Variants in MAPRE2 observed in about 807,000 individuals in gnomAD.
MAPRE2 encodes microtubule-associated protein RP/EB family member 2.
A neutral mutation model predicts 43.2 loss-of-function variants in MAPRE2; 13 were observed. The ratio of observed to expected loss-of-function variants is 0.30; its 90% CI spans 0.20 to 0.48. The LOEUF (loss-of-function observed/expected upper bound fraction) is 0.48, where lower values mean the gene tolerates loss of function less well. Ranked by LOEUF, MAPRE2 falls within the 20% of genes least tolerant of loss-of-function variation. MAPRE2 has a pLI of 0.99. For missense variants in MAPRE2, 161 were observed against 400.2 expected (o/e 0.40, Z 5.10); for synonymous variants, 135 against 148.8 (o/e 0.91, Z 0.68).
chr18:35,105,374 A>G (rs2144188251), intron 4 of MAPRE2, among the ~76,000 whole-genome samples: 1 of 152,196 alleles, frequency 6.6e-6, no homozygotes, highest in South Asian at 2.1e-4. Flanking sequence ...TCCCTTTCTA[A>G]TAAAATATGC....
At chr18:34,993,484 C>G (rs2097024857) in intron 1 of MAPRE2, among the ~76,000 whole-genome samples, 1 of 152,050 alleles carries the variant, frequency 6.6e-6, no homozygotes, top group Non-Finnish European at 1.5e-5. Context: ...AGGGAGTGAA[C>G]CAACTATAAC....
intron 1 of MAPRE2, among the ~76,000 whole-genome samples, chr18:34,999,402 A>G (rs1367772064): frequency 6.6e-6 from 1 of 152,224 alleles, no homozygotes; most frequent in African/African-American, 2.4e-5. Flanking sequence ...TAAAATAGAA[A>G]GGGCAATCTT....
At chr18:35,100,904 T>G (rs968247941) in intron 3 of MAPRE2, among the ~76,000 whole-genome samples, 3 of 152,014 alleles carry the variant, frequency 2.0e-5, no homozygotes, top group African/African-American at 7.2e-5. Context: ...CCAGACATGG[T>G]GGTGCATGCC....
chr18:35,004,653 T>C (rs1356330149), intron 1 of MAPRE2, among the ~76,000 whole-genome samples: 2 of 152,204 alleles, frequency 1.3e-5, no homozygotes, highest in Non-Finnish European at 2.9e-5. Flanking sequence ...CACGGTGGCT[T>C]ACGCCTGTAA....
chr18:35,027,147 A>G lies in MAPRE2; in HGVS notation c.-8+21594A>G, dbSNP rs1255018935. 3.3e-5 allele frequency among the ~76,000 whole-genome samples: 5 copies of G among 152,116 alleles called. No individual in the cohort carries two copies. In the East Asian group the frequency reaches 7.7e-4, roughly 23 times the overall value. On this transcript the variant is annotated intron_variant, in intron 2 of 7. Transcript: ENST00000413393. Reference sequence around the variant, plus strand: ...GCAGGTGTGTGTGGCAGGTTTTCCAAAGTGGGTTACTACAATCTCTCCCAT... The same window carrying G: ...GCAGGTGTGTGTGGCAGGTTTTCCAGAGTGGGTTACTACAATCTCTCCCAT...
intron 1 of MAPRE2, among the ~76,000 whole-genome samples, chr18:35,046,185 G>A (rs1349969890): frequency 6.6e-6 from 1 of 152,230 alleles, no homozygotes; most frequent in African/African-American, 2.4e-5. Context: ...GTTTGGTTTA[G>A]AGAATTAATT....
chr18:35,130,587 T>G lies in MAPRE2; in HGVS notation c.751-1445T>G, dbSNP rs140939308. The stretch of plus-strand genomic sequence containing the variant: ...TTATTAGAAGGAGAGAGGAGGAAAT[T>G]TGCATTCCAAATGTAATTTTTTGAA... On this transcript the variant is annotated intron_variant, in intron 5 of 6. Coordinates refer to ENST00000300249, the MANE Select transcript of MAPRE2 (RefSeq NM_014268.4). 3.6e-3 allele frequency among the ~76,000 whole-genome samples: 545 copies of G among 152,224 alleles called. 3 individuals are homozygous for G. The highest frequency in any genetic ancestry group is 0.012 in the African/African-American group (509 of 41,542).
intron 5 of MAPRE2, 53 bp downstream of exon 5, chr18:35,127,140 T>C (rs762788392): frequency 3.3e-5 from 52 of 1,598,402 alleles, no homozygotes; most frequent in Non-Finnish European, 4.2e-5. Context: ...GTGTAAGAGG[T>C]AGGGGGCCTA....
chr18:34,998,777 T>A (rs928927898), intron 1 of MAPRE2, among the ~76,000 whole-genome samples: 1 of 97,216 alleles, frequency 1.0e-5, no homozygotes, highest in African/African-American at 3.2e-5. Context: ...TTGCAATTTT[T>A]TTTTTTTTTT....
intron 1 of MAPRE2, among the ~76,000 whole-genome samples, chr18:34,979,390 A>G (rs118055314): frequency 1.1e-3 from 162 of 152,328 alleles, no homozygotes; most frequent in Non-Finnish European, 1.9e-3. Flanking sequence ...TACAGCGAGT[A>G]GTTTGTTGAC....
At chr18:35,070,035 T>G (rs1234808621) in intron 1 of MAPRE2, among the ~76,000 whole-genome samples, 160 bp from the exon 2 acceptor site, 1 of 152,220 alleles carries the variant, frequency 6.6e-6, no homozygotes, top group Non-Finnish European at 1.5e-5. Context: ...TTAATAATTT[T>G]AATGCAAATA....
chr18:35,106,326 A>C (rs1569005612), intron 4 of MAPRE2, among the ~76,000 whole-genome samples: 1 of 148,484 alleles, frequency 6.7e-6, no homozygotes, highest in Non-Finnish European at 1.5e-5. Flanking sequence ...CTCTCCCCCA[A>C]AATTTCCTTA....
At chr18:35,041,800 G>GC in intron 1 of MAPRE2, 139 bp downstream of exon 1, 1 of 1,498,314 alleles carries the variant, frequency 6.7e-7, no homozygotes, top group South Asian at 1.3e-5. Flanking sequence ...TGATTATTTG[G>GC]TATCTGTTTC....
intron 1 of MAPRE2, chr18:34,978,268 T>A (rs1462915144): frequency 5.4e-6 from 3 of 557,184 alleles, no homozygotes; most frequent in Non-Finnish European, 9.4e-6. Flanking sequence ...CAGGAAGAGG[T>A]CACTAAAAAT....
At chr18:34,986,436 C>T (rs1309589380) in intron 1 of MAPRE2, among the ~76,000 whole-genome samples, 1 of 152,130 alleles carries the variant, frequency 6.6e-6, no homozygotes, top group South Asian at 2.1e-4. Context: ...AAAGAGAGAC[C>T]TTACAAGAAA....
intron 1 of MAPRE2, among the ~76,000 whole-genome samples, chr18:34,977,641 C>T (rs1415325803): frequency 6.6e-6 from 1 of 152,188 alleles, no homozygotes. Context: ...CTTCGGCAGC[C>T]ACCACTCTCC....
intron 2 of MAPRE2, among the ~76,000 whole-genome samples, chr18:35,027,001 G>T (rs2150590326): frequency 6.6e-6 from 1 of 152,306 alleles, no homozygotes; most frequent in South Asian, 2.1e-4. Flanking sequence ...TTTCTTCAGG[G>T]TTTTTTCTCT....
At chr18:35,130,491 T>C (rs1390268577) in intron 5 of MAPRE2, among the ~76,000 whole-genome samples, 1 of 152,162 alleles carries the variant, frequency 6.6e-6, no homozygotes, top group South Asian at 2.1e-4. Flanking sequence ...GGATGGACAC[T>C]GCATGGGCTC....
chr18:35,004,337 A>G (rs2097030750), intron 1 of MAPRE2, among the ~76,000 whole-genome samples: 1 of 152,250 alleles, frequency 6.6e-6, no homozygotes, highest in African/African-American at 2.4e-5. Flanking sequence ...GTCATTTCTG[A>G]AATGGTCATA....
Sources: gnomAD v4.1 joint callset for allele counts (sites outside exome capture counted in the v4.1 genomes callset) on GRCh38, gnomAD v4.1.1 for gene constraint, MANE v1.5 for transcripts, NCBI Gene and HGNC (gene_info 2026-07-23, HGNC 2026-07-21) for gene names.